Variants in FAM193A observed in about 807,000 individuals in gnomAD.
FAM193A encodes the protein family with sequence similarity 193 member A, also known as protein FAM193A.
Under a neutral mutation model 126.5 loss-of-function variants are expected in FAM193A, and 22 were observed. That is an observed-to-expected ratio of 0.17 (90% CI 0.12 to 0.25). FAM193A has a LOEUF of 0.25. Ranked by LOEUF, FAM193A falls within the 10% of genes least tolerant of loss-of-function variation. The pLI is 1.00. For synonymous variants in FAM193A, 761 were observed against 646.8 expected, an observed-to-expected ratio of 1.18 and a Z score of -2.68; for missense variants, 1,675 against 1,672.8, an observed-to-expected ratio of 1.00 and a Z score of -0.02.
chr4:2,712,530 G>C (rs567072825), intron 19 of FAM193A, among the ~76,000 whole-genome samples: 177 of 152,266 alleles, frequency 1.2e-3, no homozygotes, highest in Non-Finnish European at 1.8e-3. Flanking sequence ...CCATTTGCCT[G>C]ACGAGACAGC....
intron 7 of FAM193A, among the ~76,000 whole-genome samples, chr4:2,650,973 T>C (rs921730446): frequency 3.9e-5 from 6 of 152,144 alleles, no homozygotes; most frequent in Non-Finnish European, 8.8e-5. Flanking sequence ...TGTTGGTGAA[T>C]CCACTGGAGG....
chr4:2,587,713 A>G (rs1426676183), intron 1 of FAM193A, among the ~76,000 whole-genome samples: 1 of 152,014 alleles, frequency 6.6e-6, no homozygotes, highest in Non-Finnish European at 1.5e-5. Context: ...ATAAAAGAAA[A>G]AGAAAAAAAT....
chr4:2,651,121 G>A (rs552435414), intron 7 of FAM193A, among the ~76,000 whole-genome samples: 2 of 152,206 alleles, frequency 1.3e-5, no homozygotes, highest in African/African-American at 2.4e-5. Flanking sequence ...ACCTGAGGTC[G>A]GGAGTTCAAG....
chr4:2,574,375 G>A (rs13129679), intron 1 of FAM193A, among the ~76,000 whole-genome samples: 1,787 of 152,302 alleles, frequency 0.012, 15 homozygotes, highest in South Asian at 0.027. Flanking sequence ...CAGTGCCCAG[G>A]CGTCCTGTGC....
At chr4:2,658,997 T>C (rs1248473555) in intron 8 of FAM193A, among the ~76,000 whole-genome samples, 1 of 152,162 alleles carries the variant, frequency 6.6e-6, no homozygotes, top group Admixed American at 6.5e-5. Context: ...GTGATCCGCC[T>C]GCCTCTGCCT....
chr4:2,727,028 A>G (rs1005787707), intron 20 of FAM193A, among the ~76,000 whole-genome samples: 2 of 152,026 alleles, frequency 1.3e-5, no homozygotes, highest in East Asian at 1.9e-4. Flanking sequence ...TGGGAGGCCA[A>G]AGCGGGCGGA....
At chr4:2,639,638 G>A in intron 5 of FAM193A, 97 bp from the exon 6 acceptor site, 1 of 906,960 alleles carries the variant, frequency 1.1e-6, no homozygotes, top group South Asian at 1.6e-5. Context: ...TGCGTGGTGG[G>A]GGGAAATGGG....
chr4:2,650,021 G>A (rs1052267380), intron 7 of FAM193A, among the ~76,000 whole-genome samples: 16 of 152,184 alleles, frequency 1.1e-4, no homozygotes, highest in African/African-American at 3.9e-4. Context: ...AGAATCTAAT[G>A]CCTGATGATC....
chr4:2,595,244 T>C (rs1740792868), intron 1 of FAM193A, among the ~76,000 whole-genome samples: 1 of 152,160 alleles, frequency 6.6e-6, no homozygotes, highest in Non-Finnish European at 1.5e-5. Flanking sequence ...AGGCGAAGTC[T>C]TGCTATGTTA....
intron 3 of FAM193A, among the ~76,000 whole-genome samples, chr4:2,626,184 A>G (rs891918812): frequency 1.3e-5 from 2 of 152,302 alleles, no homozygotes; most frequent in South Asian, 2.1e-4. Context: ...GACATTAGCC[A>G]CAGATGCTCC....
chr4:2,725,733 C>T (rs1204047822), intron 20 of FAM193A, among the ~76,000 whole-genome samples: 1 of 148,360 alleles, frequency 6.7e-6, no homozygotes, highest in African/African-American at 2.5e-5. Context: ...TTTTTTAAGG[C>T]AATAGTCTTG....
At chr4:2,551,821 GTTTT>G (rs1030468039) in intron 1 of FAM193A, among the ~76,000 whole-genome samples, 1 of 151,032 alleles carries the variant, frequency 6.6e-6, no homozygotes, top group Admixed American at 6.6e-5. Flanking sequence ...CTTTGGGTTT[GTTTT>G]TTATTTTTAT....
At chr4:2,670,229 A>T (rs1208301392) in intron 12 of FAM193A, among the ~76,000 whole-genome samples, 1 of 152,086 alleles carries the variant, frequency 6.6e-6, no homozygotes, top group Non-Finnish European at 1.5e-5. Context: ...CCCTTTAGTG[A>T]AATTTTGGTT....
At chr4:2,673,347 C>G (rs1009289092) in intron 13 of FAM193A, among the ~76,000 whole-genome samples, 7 of 152,132 alleles carry the variant, frequency 4.6e-5, no homozygotes, top group South Asian at 2.1e-4. Context: ...TGTGTTTTCT[C>G]CCCTCTAGGG....
chr4:2,541,424 C>T (rs1267188021), intron 1 of FAM193A, among the ~76,000 whole-genome samples: 1 of 151,314 alleles, frequency 6.6e-6, no homozygotes, highest in African/African-American at 2.4e-5. Flanking sequence ...GGTTATAGTC[C>T]ACAGAATTAG....
intron 1 of FAM193A, among the ~76,000 whole-genome samples, chr4:2,543,385 C>T (rs921927714): frequency 5.9e-5 from 9 of 151,974 alleles, no homozygotes; most frequent in African/African-American, 2.2e-4. Context: ...TGCATTTGGC[C>T]ACTACCTTGG....
chr4:2,696,867 C>A (rs1240782873), intron 18 of FAM193A, among the ~76,000 whole-genome samples: 7 of 152,230 alleles, frequency 4.6e-5, no homozygotes, highest in Non-Finnish European at 1.5e-5. Flanking sequence ...GCAGCAGACA[C>A]TCCAGCTTTA....
chr4:2,620,129 T>C (rs1041054753), intron 2 of FAM193A, among the ~76,000 whole-genome samples: 1 of 152,222 alleles, frequency 6.6e-6, no homozygotes, highest in Non-Finnish European at 1.5e-5. Context: ...TTTTAAATTG[T>C]GTTAGACTTG....
chr4:2,674,239 C>T (rs1205412985), intron 13 of FAM193A, among the ~76,000 whole-genome samples: 1 of 152,118 alleles, frequency 6.6e-6, no homozygotes, highest in Non-Finnish European at 1.5e-5. Flanking sequence ...TGTCACTTAC[C>T]AGGTCTTACA....
Sources: gnomAD v4.1 joint callset for allele counts (sites outside exome capture counted in the v4.1 genomes callset) on GRCh38, gnomAD v4.1.1 for gene constraint, MANE v1.5 for transcripts, NCBI Gene and HGNC (gene_info 2026-07-23, HGNC 2026-07-21) for gene names.